EXOC4: variants seen among roughly 807,000 people sequenced by gnomAD.
The protein encoded by EXOC4 is exocyst complex component 4.
In EXOC4, 71 loss-of-function variants were observed where a neutral mutation model predicts 107.2. That is an observed-to-expected ratio of 0.66 (90% CI 0.55 to 0.81). EXOC4 has a LOEUF of 0.81. Among genes scored for constraint, EXOC4 ranks in the 30% least tolerant of loss-of-function variants. EXOC4 has a pLI of 0.00. For missense variants in EXOC4, 1,108 were observed against 1,189.6 expected, an observed-to-expected ratio of 0.93 and a Z score of 1.01; for synonymous variants, 456 against 441.2, an observed-to-expected ratio of 1.03 and a Z score of -0.42.
intron 9 of EXOC4, among the ~76,000 whole-genome samples, chr7:133,535,136 C>T (rs1215218430): frequency 6.6e-6 from 1 of 152,064 alleles, no homozygotes; most frequent in Admixed American, 6.5e-5. Flanking sequence ...GTTGAGAGCC[C>T]ACTGTAAAAC....
chr7:133,849,786 A>G (rs116119227), intron 11 of EXOC4, among the ~76,000 whole-genome samples: 1 of 152,230 alleles, frequency 6.6e-6, no homozygotes, highest in Admixed American at 6.5e-5. Flanking sequence ...CAAGTATTAG[A>G]TGACTGAATG....
intron 15 of EXOC4, among the ~76,000 whole-genome samples, chr7:134,003,494 G>T (rs1031249764): frequency 1.3e-5 from 2 of 152,128 alleles, no homozygotes; most frequent in African/African-American, 4.8e-5. Context: ...GGCAAAGCGT[G>T]GTCGCATCAT....
At chr7:133,639,064 G>A (rs970307782) in intron 10 of EXOC4, among the ~76,000 whole-genome samples, 39 of 152,108 alleles carry the variant, frequency 2.6e-4, no homozygotes, top group African/African-American at 9.2e-4. Flanking sequence ...TTTATGTCCA[G>A]CCACAGGGCC....
intron 7 of EXOC4, among the ~76,000 whole-genome samples, chr7:133,459,039 C>T (rs1798528985): frequency 6.6e-6 from 1 of 152,190 alleles, no homozygotes; most frequent in Non-Finnish European, 1.5e-5. Flanking sequence ...TTATTAAGAG[C>T]TGGCATTTAA....
At chr7:133,323,369 A>G (rs193267518) in intron 5 of EXOC4, among the ~76,000 whole-genome samples, 2,034 of 152,188 alleles carry the variant, frequency 0.013, 18 homozygotes, top group Middle Eastern at 0.031. Flanking sequence ...AGCTCTTACT[A>G]TTTTGAGATA....
In EXOC4 at chr7:133,253,613, C is replaced by T. The variant is rs1794944568; in HGVS notation, c.86+426C>T. Reference sequence around the variant, plus strand: ...GGCCTTGGAGTCCGGAGATTCCTGTCACGAGTTGCAGATTTGTGTTTTCAC... The same window carrying T: ...GGCCTTGGAGTCCGGAGATTCCTGTTACGAGTTGCAGATTTGTGTTTTCAC... On this transcript the variant is annotated intron_variant, in intron 1 of 17. Coordinates refer to ENST00000253861, the MANE Select transcript of EXOC4 (RefSeq NM_021807.4). The T allele has an allele frequency of 9.1e-6, 6 of 659,910 alleles. No homozygotes were observed. The Admixed American group carries it at 1.9e-4, about 21-fold the overall frequency. The allele number at this position is 659,910 out of a possible 1,614,324, so 40.9% of individuals were successfully genotyped here.
At chr7:133,350,814 T>G (rs1795892103) in intron 5 of EXOC4, among the ~76,000 whole-genome samples, 2 of 152,036 alleles carry the variant, frequency 1.3e-5, no homozygotes, top group Non-Finnish European at 2.9e-5. Flanking sequence ...AGTCTTCCAG[T>G]CCGTGCACAT....
At chr7:133,663,417 C>A (rs1220869371) in intron 10 of EXOC4, among the ~76,000 whole-genome samples, 3 of 152,126 alleles carry the variant, frequency 2.0e-5, no homozygotes, top group Non-Finnish European at 4.4e-5. Context: ...AAATTTATAT[C>A]TCCAGCCTGG....
chr7:133,262,313 C>T (rs1189833196), intron 1 of EXOC4, among the ~76,000 whole-genome samples: 1 of 150,774 alleles, frequency 6.6e-6, no homozygotes, highest in East Asian at 1.9e-4. Context: ...CCCATTGGGG[C>T]AGCATAGTAA....
intron 10 of EXOC4, among the ~76,000 whole-genome samples, chr7:133,805,143 T>G (rs1797044562): frequency 6.6e-6 from 1 of 152,194 alleles, no homozygotes. Flanking sequence ...AAAAAAAGAC[T>G]AATGCTATGA....
intron 17 of EXOC4, among the ~76,000 whole-genome samples, chr7:134,037,830 G>A (rs368677978): frequency 6.6e-6 from 1 of 152,156 alleles, no homozygotes; most frequent in East Asian, 1.9e-4. Flanking sequence ...ATTTCCCAGT[G>A]ATGTCCCAGG....
intron 17 of EXOC4, chr7:134,010,175 G>A (rs537451331): frequency 2.2e-4 from 34 of 152,228 alleles, no homozygotes; most frequent in Middle Eastern, 3.4e-3. Context: ...CCAAGAGGCC[G>A]AGACTCTTTT....
intron 5 of EXOC4, among the ~76,000 whole-genome samples, chr7:133,353,748 C>T (rs117073327): frequency 0.032 from 4,858 of 152,066 alleles, 111 homozygotes; most frequent in Non-Finnish European, 0.049. Context: ...TCTTTCTTCT[C>T]CTTTCAGAGC....
intron 17 of EXOC4, among the ~76,000 whole-genome samples, chr7:134,043,508 T>G (rs1252655072): frequency 6.6e-6 from 1 of 152,196 alleles, no homozygotes; most frequent in African/African-American, 2.4e-5. Context: ...TTTGAAAACA[T>G]TAGAAATGTT....
rs555610192 is a variant in EXOC4 at position 133,788,376 on chromosome 7, C to A, written c.1515-28949C>A. On this transcript the variant is annotated intron_variant, in intron 10 of 17. Transcript: ENST00000253861. ...GTATCTTAAACTCCACTTTCCAAAA[C>A]AAAACTCATGAATTTTTTTTTTCCC... Among the ~76,000 whole-genome samples, 6 of 152,102 alleles carry A rather than the reference C, an allele frequency of 3.9e-5. No individual in the cohort carries two copies. In the East Asian group the frequency reaches 1.2e-3, roughly 29 times the overall value.
chr7:133,327,635 G>A (rs191910630), intron 5 of EXOC4, among the ~76,000 whole-genome samples: 1 of 152,214 alleles, frequency 6.6e-6, no homozygotes, highest in Admixed American at 6.5e-5. Flanking sequence ...TTGTTGCATT[G>A]TGTCTTTGTT....
intron 14 of EXOC4, among the ~76,000 whole-genome samples, chr7:133,954,293 G>A (rs899953294): frequency 6.6e-6 from 1 of 152,138 alleles, no homozygotes; most frequent in Non-Finnish European, 1.5e-5. Flanking sequence ...AACTTGTCAA[G>A]GATATTATTT....
intron 14 of EXOC4, among the ~76,000 whole-genome samples, chr7:133,994,371 G>A (rs1339207955): frequency 6.6e-6 from 1 of 152,082 alleles, no homozygotes; most frequent in Admixed American, 6.6e-5. Flanking sequence ...GCAAGGGGAG[G>A]GAGAGCATTA....
chr7:133,879,861 A>G lies in EXOC4; in HGVS notation c.1735-15738A>G, dbSNP rs1246056723. Among the ~76,000 whole-genome samples the G allele has an allele frequency of 2.0e-5, 3 of 152,164 alleles. No individual in the cohort carries two copies. The East Asian group carries it at 5.8e-4, about 29-fold the overall frequency. On this transcript the variant is annotated intron_variant, in intron 11 of 17. Coordinates refer to ENST00000253861, the MANE Select transcript of EXOC4 (RefSeq NM_021807.4). ...ATTAGGATCCTGAGCTCTGCTACCAAATACACTGCCCTGCTTCTGTCCAGC... is the reference window on the plus strand; with the variant it reads ...ATTAGGATCCTGAGCTCTGCTACCAGATACACTGCCCTGCTTCTGTCCAGC...
Sources: allele counts gnomAD v4.1 joint callset (sites outside exome capture counted in the v4.1 genomes callset), GRCh38; gene constraint gnomAD v4.1.1; transcripts MANE v1.5; gene names NCBI Gene and HGNC (gene_info 2026-07-23, HGNC 2026-07-21).